The following FBN3 variants were observed in gnomAD, a reference collection of about 807,000 sequenced individuals.
The protein encoded by FBN3 is fibrillin-3.
FBN3 carries 234 observed loss-of-function variants against 330.1 expected under a neutral mutation model. The observed-to-expected ratio is 0.71, with a 90% CI of 0.64 to 0.79. FBN3 has a LOEUF of 0.79. Ranked by LOEUF, FBN3 falls within the 30% of genes least tolerant of loss-of-function variation. The pLI is 0.00. For missense variants in FBN3, 3,606 were observed against 3,886.9 expected, an observed-to-expected ratio of 0.93 and a Z score of 1.92; for synonymous variants, 1,458 against 1,517.3, an observed-to-expected ratio of 0.96 and a Z score of 0.91.
intron 63 of FBN3, 64 bp from the exon 64 acceptor site, chr19:8,066,324 G>A: frequency 8.1e-7 from 1 of 1,237,632 alleles, no homozygotes; most frequent in Non-Finnish European, 1.1e-6. Flanking sequence ...GTGGGTAGGG[G>A]GTCCTCGGAT....
chr19:8,066,711 G>T (rs6603135), intron 63 of FBN3, among the ~76,000 whole-genome samples: 121,861 of 151,826 alleles, frequency 0.8, 49,034 homozygotes, highest in South Asian at 0.91. Context: ...AAACCCAGTC[G>T]CTACTAAAAA....
Position 8,109,632 on chromosome 19 carries a change from C to A in FBN3, c.4455G>T (p.Val1485=). Residue 1485 remains valine (V), a splice_region_variant and synonymous_variant, in exon 35 of 64, where the codon GTG becomes GTT. Coordinates refer to ENST00000600128, the MANE Select transcript of FBN3 (RefSeq NM_032447.5). This position sits in a 1 kb window ranked among gnomAD's most constrained non-coding sequence, Gnocchi z 5.2. ...FELNPSGVGC[V]DTRAGNCFLE... is the part of the protein sequence containing the mutation. ...ATCTGGAGTTGAGCATGGACTCACC[C>A]ACGCAGCCCACTCCGCTGGGGTTCA... 6.3e-7 allele frequency: 1 copy of A among 1,592,966 alleles called. No individual in the cohort carries two copies. Among genetic ancestry groups the A allele is most frequent in the East Asian group, 2.2e-5 (1 of 44,660 alleles).
intron 13 of FBN3, among the ~76,000 whole-genome samples, 159 bp from the exon 14 acceptor site, chr19:8,133,265 TC>T (rs2083193490): frequency 6.6e-6 from 1 of 152,022 alleles, no homozygotes; most frequent in Non-Finnish European, 1.5e-5. Flanking sequence ...TGTATATTAG[TC>T]CGTCCGCTGG....
At chr19:8,066,314 G>T in intron 63 of FBN3, 54 bp from the exon 64 acceptor site, 1 of 1,316,062 alleles carries the variant, frequency 7.6e-7, no homozygotes, top group Non-Finnish European at 1.0e-6. Context: ...GGGATGTGGT[G>T]TGGGTAGGGG....
At chr19:8,080,304 T>A in intron 59 of FBN3, among the ~76,000 whole-genome samples, 1 of 152,184 alleles carries the variant, frequency 6.6e-6, no homozygotes, top group Non-Finnish European at 1.5e-5. Flanking sequence ...AAGATTGTGT[T>A]CCCTGGGGGC....
Position 8,123,536 on chromosome 19 carries a change from T to C in FBN3, c.3010A>G (p.Asn1004Asp). Reference protein sequence around the residue: ...PGLCTHGTCRNTVGSFHCACA... With the variant: ...PGLCTHGTCRDTVGSFHCACA... Reference sequence around the variant, plus strand: ...GCGCAGTGGAAGCTGCCCACCGTGTTTCTGCAGGTACCGTGCGTGCAGAGG... The same window carrying C: ...GCGCAGTGGAAGCTGCCCACCGTGTCTCTGCAGGTACCGTGCGTGCAGAGG... Residue 1004 changes from asparagine (N) to aspartate (D), a missense_variant, in exon 24 of 64, where the codon AAC (asparagine) becomes GAC (aspartate). Coordinates refer to ENST00000600128, the MANE Select transcript of FBN3 (RefSeq NM_032447.5). The C allele has an allele frequency of 6.2e-7, 1 of 1,614,196 alleles. No individual in the cohort carries two copies. The highest frequency in any genetic ancestry group is 8.5e-7 in the Non-Finnish European group (1 of 1,180,018).
Position 8,111,322 on chromosome 19 carries a change from C to T in FBN3, c.4085-139G>A, listed in dbSNP as rs2082576691. The T allele has an allele frequency of 3.5e-6, 4 of 1,137,530 alleles. No homozygotes were observed. The East Asian group carries it at 1.0e-4, about 29-fold the overall frequency. 70.5% of individuals were successfully genotyped at this position (1,137,530 alleles called of 1,614,324 possible). On this transcript the variant is annotated intron_variant, in intron 32 of 63. Transcript: ENST00000600128. ...GTAGCCCTGGGGACTCAGTCCCTGA[C>T]TTGGGGGTGGGAGGCGAGTGACCGA...
intron 25 of FBN3, among the ~76,000 whole-genome samples, chr19:8,119,403 CCA>C (rs1408958964): frequency 2.6e-5 from 4 of 152,334 alleles, no homozygotes; most frequent in Admixed American, 6.5e-5. Flanking sequence ...CACTCTTCAG[CCA>C]CAGAGGCATC....
intron 26 of FBN3, among the ~76,000 whole-genome samples, chr19:8,118,483 C>T (rs1410530776): frequency 6.6e-6 from 1 of 152,036 alleles, no homozygotes; most frequent in Non-Finnish European, 1.5e-5. Context: ...TGAAACACAC[C>T]TACGCACATG....
At chr19:8,083,190 C>T (rs1022348275) in intron 57 of FBN3, 57 bp downstream of exon 57, 3 of 1,603,532 alleles carry the variant, frequency 1.9e-6, no homozygotes, top group Non-Finnish European at 2.6e-6. Context: ...AGTTCAGGGG[C>T]TGCACAGAAG....
At chr19:8,111,871 C>T in intron 31 of FBN3, 101 bp from the exon 32 acceptor site, 3 of 1,487,484 alleles carry the variant, frequency 2.0e-6, no homozygotes, top group Non-Finnish European at 2.8e-6. Context: ...GACTGCCCCC[C>T]TGCAGACACT....
Position 8,121,688 on chromosome 19 carries a change from T to C in FBN3, c.3083-302A>G, listed in dbSNP as rs1364990249. Among the ~76,000 whole-genome samples, 1 of 152,212 alleles carries C rather than the reference T, an allele frequency of 6.6e-6. No homozygotes were observed. The highest frequency in any genetic ancestry group is 6.5e-5 in the Admixed American group (1 of 15,268). ...TTCTCACAGACGGGAGTTCTCCATT[T>C]TCTTTATTTTGATGGTAGATTTGTT... On this transcript the variant is annotated intron_variant, in intron 24 of 63. Coordinates refer to ENST00000600128, the MANE Select transcript of FBN3 (RefSeq NM_032447.5). This position sits in a 1 kb window ranked among gnomAD's most constrained non-coding sequence, Gnocchi z 4.5.
intron 39 of FBN3, among the ~76,000 whole-genome samples, chr19:8,103,302 G>C (rs1275661684): frequency 6.7e-6 from 1 of 148,512 alleles, no homozygotes; most frequent in Admixed American, 6.7e-5. Flanking sequence ...TGGCTGGCTT[G>C]ATTGGCTTGA....
rs1242667763 is a variant in FBN3 at position 8,089,656 on chromosome 19, C to A, written c.6265G>T (p.Ala2089Ser). 4 of 1,614,154 alleles carry A rather than the reference C, an allele frequency of 2.5e-6. No individual in the cohort carries two copies. The highest frequency in any genetic ancestry group is 1.3e-5 in the African/African-American group (1 of 75,056). Residue 2089 changes from alanine to serine, a missense_variant, in exon 51 of 64, where the codon GCA becomes TCA. By Grantham distance (99) the Ala-to-Ser change is moderately conservative. Transcript: ENST00000600128. ...DDSREDVNECAENPGVCTNGV... is the reference protein window; with the variant it reads ...DDSREDVNECSENPGVCTNGV... ...TTAGTGCAGACGCCAGGGTTCTCTG[C>A]ACACTCATTCACGTCTGCGGATGGC...
chr19:8,145,158 G>A (rs1038713991), intron 5 of FBN3, among the ~76,000 whole-genome samples, 186 bp from the exon 6 acceptor site: 1 of 152,108 alleles, frequency 6.6e-6, no homozygotes, highest in Non-Finnish European at 1.5e-5. Flanking sequence ...TGGATCACCT[G>A]AGGTCAGGGG....
intron 62 of FBN3, 108 bp from the exon 63 acceptor site, chr19:8,072,306 C>T: frequency 8.3e-7 from 1 of 1,206,952 alleles, no homozygotes; most frequent in Non-Finnish European, 1.1e-6. Flanking sequence ...TGCAAATGCC[C>T]ACGCACACAA....
In FBN3 at chr19:8,126,005, C is replaced by T; in HGVS notation, c.2618G>A (p.Cys873Tyr). 6.2e-7 allele frequency: 1 copy of T among 1,613,952 alleles called. No individual in the cohort carries two copies. Among genetic ancestry groups the T allele is most frequent in the Non-Finnish European group, 8.5e-7 (1 of 1,179,994 alleles). ...GGGACAGACTCCCGGGAAGGACTCA[C>T]ACTCGTTCACATCTGGGTAAGGAGG... ...TGVTCDDVNE[C>Y]ESFPGVCPNG... The change falls in exon 22 of 64, where the codon TGT (cysteine) becomes TAT (tyrosine). Residue 873 changes from cysteine to tyrosine, a missense_variant. By Grantham distance (194) the Cys-to-Tyr change is radical. Coordinates refer to ENST00000600128, the MANE Select transcript of FBN3 (RefSeq NM_032447.5).
chr19:8,145,680 CAAAAAAA>C (rs56250248), intron 5 of FBN3, among the ~76,000 whole-genome samples, 156 bp downstream of exon 5: 1 of 108,740 alleles, frequency 9.2e-6, no homozygotes, highest in Non-Finnish European at 1.8e-5. Context: ...GACTCTGTCT[CAAAAAAA>C]AAAAAAAAAA....
intron 25 of FBN3, among the ~76,000 whole-genome samples, chr19:8,119,719 G>T (rs1200454838): frequency 6.6e-5 from 10 of 151,330 alleles, no homozygotes; most frequent in Non-Finnish European, 2.9e-5. Context: ...TCACCATGTT[G>T]GCCAGGCTGG....
Sources: allele counts gnomAD v4.1 joint callset (sites outside exome capture counted in the v4.1 genomes callset), GRCh38; gene constraint gnomAD v4.1.1; non-coding constraint Gnocchi (gnomAD v3.1); transcripts MANE v1.5; gene names NCBI Gene and HGNC (gene_info 2026-07-23, HGNC 2026-07-21).